Variants in LARP1B observed in about 807,000 individuals in gnomAD.
The protein encoded by LARP1B is La ribonucleoprotein 1B.
Under a neutral mutation model 114.2 loss-of-function variants are expected in LARP1B, and 76 were observed. That is an observed-to-expected ratio of 0.67 (90% CI 0.55 to 0.81). The LOEUF is 0.81. LARP1B is among the 30% of genes least tolerant of loss of function. The pLI is 0.00. For synonymous variants in LARP1B, 345 were observed against 348.0 expected (o/e 0.99, Z 0.10); for missense variants, 1,014 against 1,075.8 (o/e 0.94, Z 0.80).
chr4:128,139,375 C>T (rs901493629), intron 11 of LARP1B, among the ~76,000 whole-genome samples: 1 of 152,052 alleles, frequency 6.6e-6, no homozygotes, highest in Non-Finnish European at 1.5e-5. Context: ...CACCTGTAGT[C>T]CCAGCTATTC....
chr4:128,210,264 CCT>C lies in LARP1B; in HGVS notation c.*212_*213del, dbSNP rs1758742663. ...CAAGATAAATTCTAAAAATGTTTTC[CCT>C]GATTTCACAAACAAGGATAGTCTTG... is the stretch of plus-strand genomic sequence containing the variant. On this transcript the variant is annotated 3_prime_UTR_variant, in exon 20 of 20. Coordinates refer to ENST00000326639, the MANE Select transcript of LARP1B (RefSeq NM_018078.4). The C allele has an allele frequency of 7.3e-7, 1 of 1,378,682 alleles. No individual in the cohort carries two copies. The highest frequency in any genetic ancestry group is 1.5e-5 in the African/African-American group (1 of 68,740). 85.4% of individuals were successfully genotyped at this position (1,378,682 alleles called of 1,614,324 possible). A position where few individuals can be genotyped will look rare whatever the true frequency, so the allele number is the denominator to read the frequency against.
At position 128,182,111 on chromosome 4, in the gene LARP1B, CT is replaced by C. The variant is rs35344280; in HGVS notation, c.2003+2619del. Among the ~76,000 whole-genome samples, 118 of 113,178 alleles carry C rather than the reference CT, an allele frequency of 1.0e-3. 2 individuals are homozygous for C. Among genetic ancestry groups the C allele is most frequent in the Middle Eastern group, 5.9e-3 (1 of 170 alleles). The allele number at this position is 113,178 out of a possible 152,430, so 74.2% of individuals were successfully genotyped here. A position where few individuals can be genotyped will look rare whatever the true frequency, so the allele number is the denominator to read the frequency against. The stretch of plus-strand genomic sequence containing the variant: ...ACAGGCATGAGCCACTGCACCCGGC[CT>C]TTTTTTTTTTTTTTTTTTTGAGACA... On this transcript the variant is annotated intron_variant, in intron 15 of 19. Coordinates refer to ENST00000326639, the MANE Select transcript of LARP1B (RefSeq NM_018078.4).
chr4:128,210,624 CT>C lies in LARP1B; in HGVS notation c.*578del, dbSNP rs1327667046. The stretch of plus-strand genomic sequence containing the variant: ...TTTGAGACATATAGTTTAAAGAAAA[CT>C]TTTTTTAAAACAAAAGTAGGAATAT... On this transcript the variant is annotated 3_prime_UTR_variant, in exon 20 of 20. Transcript: ENST00000326639. The C allele has an allele frequency of 1.1e-6, 1 of 938,542 alleles. No individual in the cohort carries two copies. Among genetic ancestry groups the C allele is most frequent in the Middle Eastern group, 5.5e-4 (1 of 1,812 alleles). The allele number at this position is 938,542 out of a possible 1,614,324, so 58.1% of individuals were successfully genotyped here.
At chr4:128,171,485 C>T (rs1263542308) in intron 12 of LARP1B, among the ~76,000 whole-genome samples, 1 of 152,126 alleles carries the variant, frequency 6.6e-6, no homozygotes, top group Non-Finnish European at 1.5e-5. Context: ...TTAAAAAGCC[C>T]ATCAGACAAT....
chr4:128,186,384 C>G (rs1347666143), intron 15 of LARP1B, among the ~76,000 whole-genome samples: 1 of 152,050 alleles, frequency 6.6e-6, no homozygotes, highest in African/African-American at 2.4e-5. Context: ...AGATCTTTCA[C>G]TTTGGTTACA....
At position 128,091,104 on chromosome 4, in the gene LARP1B, C is replaced by G; in HGVS notation, c.462C>G (p.Gly154=). The change falls in exon 6 of 20, where the codon GGC becomes GGG. Residue 154 remains glycine (G), a synonymous_variant. Coordinates refer to ENST00000326639, the MANE Select transcript of LARP1B (RefSeq NM_018078.4). ...IRGSFRGRGR[G]RGRGRGRGRG... ...GTTCCTTTAGAGGTCGAGGAAGAGG[C>G]CGAGGACGGGGAAGAGGACGAGGCA... 1 of 1,613,658 alleles carries G rather than the reference C, an allele frequency of 6.2e-7. No homozygotes were observed.
intron 11 of LARP1B, among the ~76,000 whole-genome samples, chr4:128,127,888 A>G (rs938681476): frequency 6.6e-6 from 1 of 152,202 alleles, no homozygotes; most frequent in Non-Finnish European, 1.5e-5. Flanking sequence ...AAAACTTACT[A>G]CAAAGCTGCA....
chr4:128,087,549 AATTC>A (rs1774121191), intron 5 of LARP1B, among the ~76,000 whole-genome samples: 1 of 152,170 alleles, frequency 6.6e-6, no homozygotes, highest in Non-Finnish European at 1.5e-5. Flanking sequence ...CTCTGTATTT[AATTC>A]ATTCATCTGC....
chr4:128,158,343 C>T (rs953433502), intron 11 of LARP1B, among the ~76,000 whole-genome samples: 6 of 151,934 alleles, frequency 3.9e-5, no homozygotes, highest in East Asian at 3.9e-4. Flanking sequence ...TAGTTCTAAA[C>T]GTGAAACACA....
At chr4:128,104,537 C>T (rs2126113) in intron 8 of LARP1B, among the ~76,000 whole-genome samples, 3,643 of 151,918 alleles carry the variant, frequency 0.024, 128 homozygotes, top group African/African-American at 0.084. Context: ...TTCCACCTCC[C>T]AGTTTCAAGC....
intron 1 of LARP1B, among the ~76,000 whole-genome samples, chr4:128,063,756 G>T (rs1057296242): frequency 5.3e-5 from 8 of 151,856 alleles, no homozygotes; most frequent in South Asian, 2.1e-4. Context: ...TCCAGCCTGG[G>T]CAACAGGAGC....
chr4:128,158,227 C>T (rs1444042784), intron 11 of LARP1B, among the ~76,000 whole-genome samples: 2 of 152,046 alleles, frequency 1.3e-5, no homozygotes, highest in Non-Finnish European at 2.9e-5. Flanking sequence ...GTAACACACA[C>T]CTTTCGTATA....
chr4:128,078,015 TGAGGA>T, intron 4 of LARP1B, 53 bp downstream of exon 4: 3 of 1,256,914 alleles, frequency 2.4e-6, no homozygotes, highest in Non-Finnish European at 3.3e-6. Flanking sequence ...AAAGTTGTAA[TGAGGA>T]ATTACATTTC....
At chr4:128,137,389 G>T (rs560618272) in intron 11 of LARP1B, among the ~76,000 whole-genome samples, 1 of 152,276 alleles carries the variant, frequency 6.6e-6, no homozygotes, top group Admixed American at 6.5e-5. Context: ...CAAAACAGCA[G>T]TTCCTATACA....
intron 15 of LARP1B, among the ~76,000 whole-genome samples, chr4:128,185,341 AT>A (rs1251785177): frequency 6.6e-6 from 1 of 151,974 alleles, no homozygotes; most frequent in East Asian, 1.9e-4. Flanking sequence ...AACATCCATT[AT>A]TTTTTGTTTT....
At chr4:128,103,561 C>CTT (rs1049704607) in intron 8 of LARP1B, among the ~76,000 whole-genome samples, 2,466 of 131,822 alleles carry the variant, frequency 0.019, 63 homozygotes, top group East Asian at 0.092. Flanking sequence ...GCCCCTTCCT[C>CTT]TTTTTTTTTT....
chr4:128,124,975 G>A (rs1789098876), intron 11 of LARP1B, among the ~76,000 whole-genome samples: 1 of 152,164 alleles, frequency 6.6e-6, no homozygotes, highest in African/African-American at 2.4e-5. Context: ...AAGAGTTTTG[G>A]TGGATCCAGA....
chr4:128,105,891 AAAAAAT>A (rs1359818265), intron 8 of LARP1B, among the ~76,000 whole-genome samples: 2 of 152,168 alleles, frequency 1.3e-5, no homozygotes, highest in African/African-American at 2.4e-5. Context: ...ACTCCGTCTC[AAAAAAT>A]AAAAATAATA....
Position 128,138,948 on chromosome 4 carries a change from TC to T in LARP1B, c.1524+16761del, listed in dbSNP as rs558260182. Reference sequence around the variant, plus strand: ...CAGCCCGGGTGACAGAGTGAGACTCTCAAAAAATAATAATAATAATTTAAAA... The same window carrying T: ...CAGCCCGGGTGACAGAGTGAGACTCTAAAAAATAATAATAATAATTTAAAA... On this transcript the variant is annotated intron_variant, in intron 11 of 19. Transcript: ENST00000326639. Among the ~76,000 whole-genome samples the T allele has an allele frequency of 3.3e-3, 500 of 152,060 alleles. 3 individuals are homozygous for T. The highest frequency in any genetic ancestry group is 2.6e-3 in the Non-Finnish European group (175 of 67,972).
Sources: allele counts gnomAD v4.1 joint callset (sites outside exome capture counted in the v4.1 genomes callset), GRCh38; gene constraint gnomAD v4.1.1; transcripts MANE v1.5; gene names NCBI Gene and HGNC (gene_info 2026-07-23, HGNC 2026-07-21).